Variants in MTHFD1L observed in about 807,000 individuals in gnomAD.
The protein encoded by MTHFD1L is monofunctional C1-tetrahydrofolate synthase, mitochondrial.
A neutral mutation model predicts 119.5 loss-of-function variants in MTHFD1L; 81 were observed. The observed-to-expected ratio is 0.68, with a 90% CI of 0.57 to 0.82. The LOEUF is 0.82. Among genes scored for constraint, MTHFD1L ranks in the 40% least tolerant of loss-of-function variants. The pLI is 0.00. For missense variants in MTHFD1L, 1,125 were observed against 1,253.4 expected (o/e 0.90, Z 1.55); for synonymous variants, 430 against 475.2 (o/e 0.90, Z 1.24).
At chr6:150,888,570 A>G (rs1199364529) in intron 7 of MTHFD1L, among the ~76,000 whole-genome samples, 1 of 152,238 alleles carries the variant, frequency 6.6e-6, no homozygotes, top group Non-Finnish European at 1.5e-5. Context: ...AAGAAGACCC[A>G]TATAAAAGCA....
intron 26 of MTHFD1L, among the ~76,000 whole-genome samples, chr6:151,067,268 A>G (rs1297715894): frequency 6.6e-6 from 1 of 151,916 alleles, no homozygotes; most frequent in African/African-American, 2.4e-5. Flanking sequence ...TTATTATAAA[A>G]TCAGGTTATA....
In MTHFD1L at chr6:150,903,203, A is replaced by ATTCTTTTTTTTTTTTTTTTTTTTTTTTT. The variant is rs1562348409; in HGVS notation, c.781-2445_781-2444insCTTTTTTTTTTTTTTTTTTTTTTTTTTT. 5.8e-5 allele frequency among the ~76,000 whole-genome samples: 5 copies of ATTCTTTTTTTTTTTTTTTTTTTTTTTTT among 85,474 alleles called. 2 individuals carry two copies. 56.1% of individuals were successfully genotyped at this position (85,474 alleles called of 152,430 possible). A position where few individuals can be genotyped will look rare whatever the true frequency, so the allele number is the denominator to read the frequency against. ...GATTGCTGGTGATATTGGCTGCAAAATTTTTTTTTTTTTTTTTTTTTTTTT... is the reference window on the plus strand; with the variant it reads ...GATTGCTGGTGATATTGGCTGCAAAATTCTTTTTTTTTTTTTTTTTTTTTTTTTTTTTTTTTTTTTTTTTTTTTTTTTT... On this transcript the variant is annotated intron_variant, in intron 7 of 27. Coordinates refer to ENST00000367321, the MANE Select transcript of MTHFD1L (RefSeq NM_015440.5).
intron 26 of MTHFD1L, among the ~76,000 whole-genome samples, chr6:151,058,950 A>G (rs1459149783): frequency 1.3e-5 from 2 of 152,084 alleles, no homozygotes; most frequent in Non-Finnish European, 2.9e-5. Flanking sequence ...TGCTGGGAGT[A>G]CAGGCGTGAG....
intron 26 of MTHFD1L, among the ~76,000 whole-genome samples, chr6:151,044,959 G>A (rs1037831024): frequency 7.2e-5 from 11 of 152,148 alleles, no homozygotes; most frequent in Non-Finnish European, 1.3e-4. Flanking sequence ...AGTTCAGCTC[G>A]GTTTGTTTTC....
intron 7 of MTHFD1L, among the ~76,000 whole-genome samples, chr6:150,891,569 A>AT (rs1783288671): frequency 1.3e-5 from 2 of 148,474 alleles, no homozygotes; most frequent in African/African-American, 4.9e-5. Context: ...TATAATCCTT[A>AT]TATATATATT....
At chr6:150,985,833 TCTTGCCTCAGC>T (rs1360576562) in intron 20 of MTHFD1L, among the ~76,000 whole-genome samples, 7 of 152,168 alleles carry the variant, frequency 4.6e-5, no homozygotes, top group Non-Finnish European at 8.8e-5. Context: ...CCTTTCCCTG[TCTTGCCTCAGC>T]CTTGCACTGT....
intron 26 of MTHFD1L, among the ~76,000 whole-genome samples, chr6:151,048,204 A>G (rs960016935): frequency 6.6e-6 from 1 of 152,186 alleles, no homozygotes; most frequent in African/African-American, 2.4e-5. Context: ...TGATGGAGGA[A>G]CGGTGCCCTT....
intron 19 of MTHFD1L, among the ~76,000 whole-genome samples, chr6:150,966,841 G>GA (rs1352016867): frequency 6.6e-6 from 1 of 151,972 alleles, no homozygotes; most frequent in Non-Finnish European, 1.5e-5. Context: ...AAAGGGAATA[G>GA]AAAAAAATGG....
intron 20 of MTHFD1L, among the ~76,000 whole-genome samples, chr6:151,007,580 A>G (rs891535050): frequency 2.0e-5 from 3 of 152,028 alleles, no homozygotes; most frequent in Non-Finnish European, 2.9e-5. Context: ...GCTGGGAGGG[A>G]TCCGGGGTCC....
At chr6:150,923,954 A>T (rs904342405) in intron 10 of MTHFD1L, among the ~76,000 whole-genome samples, 16 of 152,210 alleles carry the variant, frequency 1.1e-4, no homozygotes, top group Admixed American at 9.8e-4. Context: ...ATAAGACCTT[A>T]GATTTTAAAA....
Position 150,936,782 on chromosome 6 carries a change from C to T in MTHFD1L, c.1257-22C>T, listed in dbSNP as rs1441521871. 3 of 1,603,498 alleles carry T rather than the reference C, an allele frequency of 1.9e-6. No homozygotes were observed. In the South Asian group the frequency reaches 3.3e-5, roughly 18 times the overall value. Reference sequence around the variant, plus strand: ...GTTGTCTGGGAAATATTATAAAATTCACTTTCTCCCCCCGAACTCAGGATC... The same window carrying T: ...GTTGTCTGGGAAATATTATAAAATTTACTTTCTCCCCCCGAACTCAGGATC... On this transcript the variant is annotated intron_variant, in intron 11 of 27. Coordinates refer to ENST00000367321, the MANE Select transcript of MTHFD1L (RefSeq NM_015440.5).
chr6:150,964,872 G>A lies in MTHFD1L; in HGVS notation c.1945-97G>A, dbSNP rs566798085. On this transcript the variant is annotated intron_variant, in intron 18 of 27. Transcript: ENST00000367321. ...GTGGCCCAGGGTTGCCTGTGGGGACGCCCACCCAAGAAGCAGGCTGGAGAG... is the reference window on the plus strand; with the variant it reads ...GTGGCCCAGGGTTGCCTGTGGGGACACCCACCCAAGAAGCAGGCTGGAGAG... 2.6e-5 allele frequency: 30 copies of A among 1,167,452 alleles called. No individual in the cohort carries two copies. The East Asian group carries it at 2.7e-4, about 10-fold the overall frequency. 72.3% of individuals were successfully genotyped at this position (1,167,452 alleles called of 1,614,324 possible).
At chr6:151,046,423 T>C (rs1287252886) in intron 26 of MTHFD1L, among the ~76,000 whole-genome samples, 2 of 147,640 alleles carry the variant, frequency 1.4e-5, no homozygotes, top group Non-Finnish European at 3.0e-5. Context: ...TTGACTCATA[T>C]ACTTTCATAC....
intron 8 of MTHFD1L, among the ~76,000 whole-genome samples, chr6:150,905,986 A>G (rs188145777): frequency 6.6e-6 from 1 of 152,220 alleles, no homozygotes; most frequent in Non-Finnish European, 1.5e-5. Flanking sequence ...AGTGCCCCCT[A>G]CTGGCCTCTA....
chr6:150,902,208 A>G (rs954522687), intron 7 of MTHFD1L, among the ~76,000 whole-genome samples: 1 of 152,152 alleles, frequency 6.6e-6, no homozygotes, highest in Non-Finnish European at 1.5e-5. Context: ...ATCTCTTTAT[A>G]TTCAGATGCT....
intron 20 of MTHFD1L, among the ~76,000 whole-genome samples, chr6:150,999,247 G>A (rs1223578629): frequency 2.6e-5 from 4 of 152,034 alleles, no homozygotes; most frequent in African/African-American, 9.6e-5. Flanking sequence ...TTCCCTTTTG[G>A]GTTTGTTTTC....
At chr6:150,891,615 A>G (rs1287579686) in intron 7 of MTHFD1L, among the ~76,000 whole-genome samples, 1 of 150,814 alleles carries the variant, frequency 6.6e-6, no homozygotes, top group East Asian at 1.9e-4. Flanking sequence ...ATATAAAGAA[A>G]TAATGCAAAC....
intron 25 of MTHFD1L, among the ~76,000 whole-genome samples, chr6:151,035,001 G>C (rs1785949208): frequency 6.6e-6 from 1 of 152,184 alleles, no homozygotes; most frequent in South Asian, 2.1e-4. Context: ...CCTTAAAAAT[G>C]CTAGCGTGGT....
intron 19 of MTHFD1L, among the ~76,000 whole-genome samples, chr6:150,966,164 A>G (rs115285811): frequency 0.011 from 1,619 of 152,230 alleles, 28 homozygotes; most frequent in African/African-American, 0.037. Context: ...GCCGTAAGGA[A>G]CTACCTGAGA....
Sources: gnomAD v4.1 joint callset for allele counts (sites outside exome capture counted in the v4.1 genomes callset) on GRCh38, gnomAD v4.1.1 for gene constraint, MANE v1.5 for transcripts, NCBI Gene and HGNC (gene_info 2026-07-23, HGNC 2026-07-21) for gene names.